SORBS2: variants seen among roughly 807,000 people sequenced by gnomAD.
The protein encoded by SORBS2 is sorbin and SH3 domain containing 2, also known as sorbin and SH3 domain-containing protein 2.
SORBS2 carries 46 observed loss-of-function variants against 97.7 expected under a neutral mutation model. The ratio of observed to expected loss-of-function variants is 0.47; its 90% CI spans 0.37 to 0.60. SORBS2 has a LOEUF of 0.60. Among genes scored for constraint, SORBS2 ranks in the 20% least tolerant of loss-of-function variants. SORBS2 has a pLI of 0.00. For synonymous variants in SORBS2, 476 were observed against 473.4 expected (o/e 1.01, Z -0.07); for missense variants, 1,316 against 1,282.3 (o/e 1.03, Z -0.40).
intron 4 of SORBS2, among the ~76,000 whole-genome samples, chr4:185,672,986 A>C (rs1406679658): frequency 1.3e-5 from 2 of 152,238 alleles, no homozygotes; most frequent in Non-Finnish European, 2.9e-5. Context: ...TTGATGGACA[A>C]ATAGATAAAG....
At position 185,606,209 on chromosome 4, in the gene SORBS2, C is replaced by T; in HGVS notation, c.2796+5571G>A. On this transcript the variant is annotated intron_variant, in intron 12 of 14. Coordinates refer to ENST00000418609, the Ensembl canonical transcript of SORBS2. This position sits in a 1 kb window ranked among gnomAD's most constrained non-coding sequence, Gnocchi z 4.3. The stretch of plus-strand genomic sequence containing the variant: ...CTAAAGTGGGGATGATAATGTCACA[C>T]ACCTCACTGGGTTTTGACGATTAAA... 1 of 985,424 alleles carries T rather than the reference C, an allele frequency of 1.0e-6. No homozygotes were observed. Among genetic ancestry groups the T allele is most frequent in the Non-Finnish European group, 1.2e-6 (1 of 829,920 alleles). The allele number at this position is 985,424 out of a possible 1,614,324, so 61.0% of individuals were successfully genotyped here.
chr4:185,663,600 C>A (rs1423402956), intron 4 of SORBS2, among the ~76,000 whole-genome samples: 1 of 152,178 alleles, frequency 6.6e-6, no homozygotes, highest in Non-Finnish European at 1.5e-5. Context: ...TTTTATGTAC[C>A]TCTGATGGAT....
intron 2 of SORBS2, among the ~76,000 whole-genome samples, chr4:185,731,423 C>T (rs1380350437): frequency 1.3e-5 from 2 of 151,384 alleles, no homozygotes; most frequent in African/African-American, 4.9e-5. Flanking sequence ...TAACCAAGCA[C>T]TGGCTTTTAG....
At chr4:185,863,507 G>T (rs192130211) in intron 1 of SORBS2, among the ~76,000 whole-genome samples, 1 of 152,288 alleles carries the variant, frequency 6.6e-6, no homozygotes, top group Admixed American at 6.5e-5. Context: ...TATTTGTTTA[G>T]AATTGAGTTA....
rs1421586555 is a variant in SORBS2, at chr4:185,859,307, G to C, written c.-337-83941C>G. On this transcript the variant is annotated intron_variant, in intron 1 of 20. Transcript: ENST00000284776. Reference sequence around the variant, plus strand: ...CACTTTCAGTGGTTATTTTTCCCATGAGACAAAACTGAAATATTTCAGCAG... The same window carrying C: ...CACTTTCAGTGGTTATTTTTCCCATCAGACAAAACTGAAATATTTCAGCAG... Among the ~76,000 whole-genome samples the C allele has an allele frequency of 4.6e-5, 7 of 152,274 alleles. No homozygotes were observed. In the South Asian group the frequency reaches 1.5e-3, roughly 32 times the overall value.
At chr4:185,922,293 C>A (rs199971130) in intron 1 of SORBS2, among the ~76,000 whole-genome samples, 1 of 37,456 alleles carries the variant, frequency 2.7e-5, no homozygotes, top group African/African-American at 1.6e-4. Context: ...TCTGTCCCAG[C>A]CCCTCATTGG....
intron 2 of SORBS2, among the ~76,000 whole-genome samples, chr4:185,740,951 C>T (rs575262487): frequency 2.6e-5 from 4 of 151,852 alleles, no homozygotes; most frequent in Non-Finnish European, 5.9e-5. Context: ...AAACTCAGCC[C>T]AGCACCAACT....
chr4:185,627,086 G>A lies in SORBS2; in HGVS notation c.447-67C>T, dbSNP rs975701161. 2.7e-5 allele frequency: 38 copies of A among 1,404,464 alleles called. No homozygotes were observed. In the South Asian group the frequency reaches 3.3e-4, roughly 12 times the overall value. 87.0% of individuals were successfully genotyped at this position (1,404,464 alleles called of 1,614,324 possible). On this transcript the variant is annotated intron_variant, in intron 5 of 14. Coordinates refer to ENST00000418609, the Ensembl canonical transcript of SORBS2. ...GGTTCGGGTGTGCACCAGAAAAACC[G>A]GTGGAACGTGCTAGTGACAATGGCG...
chr4:185,631,109 T>G (rs2096899310), intron 4 of SORBS2, among the ~76,000 whole-genome samples: 2 of 152,198 alleles, frequency 1.3e-5, no homozygotes, highest in Admixed American at 1.3e-4. Flanking sequence ...TAAGACACCA[T>G]TCATCTGTCA....
At chr4:185,631,958 A>G (rs1285559546) in intron 4 of SORBS2, among the ~76,000 whole-genome samples, 1 of 152,250 alleles carries the variant, frequency 6.6e-6, no homozygotes, top group East Asian at 1.9e-4. Flanking sequence ...GTCTGTATGA[A>G]AGCTTAAAAA....
At chr4:185,736,719 G>C (rs2098690030) in intron 2 of SORBS2, among the ~76,000 whole-genome samples, 1 of 152,158 alleles carries the variant, frequency 6.6e-6, no homozygotes, top group Admixed American at 6.5e-5. Context: ...GATGACACCA[G>C]GGTGTGTCGA....
chr4:185,590,804 T>C (rs903748192), intron 13 of SORBS2, among the ~76,000 whole-genome samples: 10 of 152,310 alleles, frequency 6.6e-5, no homozygotes, highest in Non-Finnish European at 1.5e-4. Context: ...AAGAAGAATT[T>C]GATAGGCAGT....
At chr4:185,612,005 A>G (rs181237765) in intron 11 of SORBS2, 25 bp from the exon 24 acceptor site, 657 of 1,357,578 alleles carry the variant, frequency 4.8e-4, no homozygotes, top group Admixed American at 7.4e-4. Flanking sequence ...AGAAAAATGC[A>G]TTAGAAACAG....
chr4:185,816,247 C>T lies in SORBS2; in HGVS notation c.-337-40881G>A, dbSNP rs553055836. Among the ~76,000 whole-genome samples, 28 of 145,460 alleles carry T rather than the reference C, an allele frequency of 1.9e-4. 1 individual carries two copies. In the East Asian group the frequency reaches 5.0e-3, roughly 26 times the overall value. ...TCATCACTGCTTGAAGCAATAGGTT[C>T]TTCTCTAGTCACATCTTCTGCTGCA... On this transcript the variant is annotated intron_variant, in intron 1 of 20. Coordinates refer to the SORBS2 transcript ENST00000284776.
intron 9 of SORBS2, 107 bp from the exon 22 acceptor site, chr4:185,615,266 T>G: frequency 1.4e-6 from 1 of 700,582 alleles, no homozygotes; most frequent in South Asian, 1.7e-5. Flanking sequence ...CTTACAATAT[T>G]AAAAAATCCA....
chr4:185,654,966 T>C (rs945601874), intron 1 of SORBS2, among the ~76,000 whole-genome samples: 2 of 152,246 alleles, frequency 1.3e-5, no homozygotes, highest in Non-Finnish European at 2.9e-5. Flanking sequence ...TGTTCTATTT[T>C]TTTCTCCTTT....
At chr4:185,888,370 A>G (rs946867082) in intron 1 of SORBS2, among the ~76,000 whole-genome samples, 4 of 152,044 alleles carry the variant, frequency 2.6e-5, no homozygotes, top group African/African-American at 9.7e-5. Flanking sequence ...CAATGTGGAG[A>G]TGGAGGCAGA....
intron 4 of SORBS2, among the ~76,000 whole-genome samples, chr4:185,664,052 C>T (rs2097562390): frequency 6.6e-6 from 1 of 151,558 alleles, no homozygotes; most frequent in African/African-American, 2.4e-5. Context: ...GACGGGGTTT[C>T]ACCATGTTAG....
In SORBS2 at chr4:185,656,784, A is replaced by G. The variant is rs1024740486; in HGVS notation, c.-146T>C. 3 of 1,456,444 alleles carry G rather than the reference A, an allele frequency of 2.1e-6. No homozygotes were observed. In the African/African-American group the frequency reaches 4.4e-5, roughly 21 times the overall value. The allele number at this position is 1,456,444 out of a possible 1,614,324, so 90.2% of individuals were successfully genotyped here. ...AAGGGGCTGCCCAGATACACTGAGC[A>G]ATGCTTTGGCAGAGTTTTAAAACTT... On this transcript the variant is annotated 5_prime_UTR_variant, in exon 1 of 15. Transcript: ENST00000418609.
Sources: gnomAD v4.1 joint callset for allele counts (sites outside exome capture counted in the v4.1 genomes callset) on GRCh38, gnomAD v4.1.1 for gene constraint, Gnocchi (gnomAD v3.1) non-coding constraint, MANE v1.5 for transcripts, NCBI Gene and HGNC (gene_info 2026-07-23, HGNC 2026-07-21) for gene names.